The following CNTNAP2 variants were observed in gnomAD, a reference collection of about 807,000 sequenced individuals.
The protein encoded by CNTNAP2 is contactin associated protein 2.
In CNTNAP2, 98 loss-of-function variants were observed where a neutral mutation model predicts 155.2. That is an observed-to-expected ratio of 0.63 (90% CI 0.54 to 0.75). CNTNAP2 has a LOEUF of 0.75. Ranked by LOEUF, CNTNAP2 falls within the 30% of genes least tolerant of loss-of-function variation. CNTNAP2 has a pLI of 0.00. For synonymous variants in CNTNAP2, 651 were observed against 631.2 expected (o/e 1.03, Z -0.47); for missense variants, 1,727 against 1,688.1 (o/e 1.02, Z -0.40).
At chr7:146,243,580 A>T (rs1338535569) in intron 1 of CNTNAP2, among the ~76,000 whole-genome samples, 3 of 152,134 alleles carry the variant, frequency 2.0e-5, no homozygotes, top group Non-Finnish European at 2.9e-5. Flanking sequence ...TTAAATATTA[A>T]TTTTTTCTAT....
chr7:146,998,025 GTC>G (rs946199148), intron 3 of CNTNAP2, among the ~76,000 whole-genome samples: 3 of 151,722 alleles, frequency 2.0e-5, no homozygotes, highest in African/African-American at 7.3e-5. Flanking sequence ...GGCTTTTGTA[GTC>G]TGTATTTTAT....
At chr7:148,190,452 T>C (rs1795187481) in intron 18 of CNTNAP2, 1 of 152,220 alleles carries the variant, frequency 6.6e-6, no homozygotes, top group African/African-American at 2.4e-5. Context: ...ATAATAGTTT[T>C]TTGGTTTTCC....
intron 4 of CNTNAP2, among the ~76,000 whole-genome samples, chr7:147,107,790 A>G (rs1036941276): frequency 6.6e-6 from 1 of 152,162 alleles, no homozygotes; most frequent in Non-Finnish European, 1.5e-5. Context: ...GGAATCAAAC[A>G]TTTAAGTCTC....
chr7:147,106,631 T>C (rs1800771883), intron 4 of CNTNAP2, among the ~76,000 whole-genome samples: 1 of 152,168 alleles, frequency 6.6e-6, no homozygotes, highest in Admixed American at 6.6e-5. Flanking sequence ...TTTAAAAGCA[T>C]AAATATTTGA....
At chr7:148,019,942 G>A (rs553971369) in intron 15 of CNTNAP2, among the ~76,000 whole-genome samples, 8 of 152,130 alleles carry the variant, frequency 5.3e-5, no homozygotes, top group African/African-American at 1.4e-4. Context: ...CTGCCACCAC[G>A]CCCAGCTAAT....
chr7:147,035,400 T>C (rs1443046811), intron 3 of CNTNAP2, among the ~76,000 whole-genome samples: 1 of 152,212 alleles, frequency 6.6e-6, no homozygotes, highest in African/African-American at 2.4e-5. Flanking sequence ...CATTTTGACA[T>C]AAGTTGTTAG....
intron 4 of CNTNAP2, among the ~76,000 whole-genome samples, chr7:147,045,189 A>G (rs561036244): frequency 5.3e-5 from 8 of 152,062 alleles, no homozygotes; most frequent in African/African-American, 7.2e-5. Context: ...TGGTTTCTCT[A>G]TGTTATGCAA....
At chr7:148,334,920 G>T (rs1798092078) in intron 21 of CNTNAP2, among the ~76,000 whole-genome samples, 1 of 152,204 alleles carries the variant, frequency 6.6e-6, no homozygotes, top group African/African-American at 2.4e-5. Context: ...GGCAGTGTTT[G>T]CAGATCCTAC....
intron 22 of CNTNAP2, 53 bp downstream of exon 22, chr7:148,383,941 C>T (rs893025055): frequency 7.6e-6 from 12 of 1,573,616 alleles, no homozygotes; most frequent in Non-Finnish European, 1.0e-5. Flanking sequence ...AAACCTCAGT[C>T]TCTTGGGACT....
chr7:146,659,067 C>T (rs1172107108), intron 1 of CNTNAP2, among the ~76,000 whole-genome samples: 1 of 152,154 alleles, frequency 6.6e-6, no homozygotes, highest in Non-Finnish European at 1.5e-5. Context: ...TGCCAGAAAC[C>T]CAATCCCTTG....
At chr7:146,555,447 A>G (rs1323184266) in intron 1 of CNTNAP2, among the ~76,000 whole-genome samples, 2 of 151,892 alleles carry the variant, frequency 1.3e-5, no homozygotes, top group South Asian at 4.1e-4. Context: ...TATCTCATCT[A>G]TTTATCGATT....
At chr7:148,165,724 C>T (rs986662412) in intron 17 of CNTNAP2, among the ~76,000 whole-genome samples, 6 of 152,038 alleles carry the variant, frequency 3.9e-5, no homozygotes, top group African/African-American at 7.3e-5. Flanking sequence ...TTTGTGACCA[C>T]AGTTCATGCT....
At chr7:148,231,220 G>A (rs1795954528) in intron 20 of CNTNAP2, among the ~76,000 whole-genome samples, 1 of 152,174 alleles carries the variant, frequency 6.6e-6, no homozygotes, top group South Asian at 2.1e-4. Flanking sequence ...TTGAGGAAGG[G>A]GAGAGGAGTG....
chr7:148,075,518 G>T (rs1398342284), intron 15 of CNTNAP2, among the ~76,000 whole-genome samples: 1 of 152,138 alleles, frequency 6.6e-6, no homozygotes, highest in East Asian at 1.9e-4. Context: ...CTCTACTGAA[G>T]TAAAGCTACT....
At position 147,346,920 on chromosome 7, in the gene CNTNAP2, C is replaced by T. The variant is rs572288487; in HGVS notation, c.1498+46630C>T. ...CATGTTACTCTTAGTCCTGTTTTTA[C>T]TTGGTTGTAGTCACTGTTATTCTCC... On this transcript the variant is annotated intron_variant, in intron 9 of 23. Transcript: ENST00000361727. Among the ~76,000 whole-genome samples the T allele has an allele frequency of 4.2e-4, 64 of 152,096 alleles. 1 individual carries two copies. In the South Asian group the frequency reaches 9.1e-3, roughly 22 times the overall value.
intron 1 of CNTNAP2, among the ~76,000 whole-genome samples, chr7:146,450,509 T>G (rs1796463470): frequency 6.6e-6 from 1 of 152,214 alleles, no homozygotes; most frequent in East Asian, 1.9e-4. Flanking sequence ...GTGTGGCTTC[T>G]CTACTGCGTT....
intron 15 of CNTNAP2, among the ~76,000 whole-genome samples, chr7:148,103,740 G>T (rs939280747): frequency 6.6e-6 from 1 of 152,116 alleles, no homozygotes; most frequent in African/African-American, 2.4e-5. Context: ...ATTTCCGTTT[G>T]GATGCACTAT....
At chr7:147,901,297 T>G (rs1359006519) in intron 13 of CNTNAP2, among the ~76,000 whole-genome samples, 1 of 152,214 alleles carries the variant, frequency 6.6e-6, no homozygotes, top group Non-Finnish European at 1.5e-5. Context: ...AAACACAAAT[T>G]TAATCATGCT....
rs1374490584 is a variant in CNTNAP2 at position 147,802,776 on chromosome 7, AGGGAGAGGGAGGGGGAGG to A, written c.2099-100777_2099-100760del. Among the ~76,000 whole-genome samples, 3 of 55,190 alleles carry A rather than the reference AGGGAGAGGGAGGGGGAGG, an allele frequency of 5.4e-5. 1 individual carries two copies. Among genetic ancestry groups the A allele is most frequent in the African/African-American group, 1.8e-4 (2 of 10,836 alleles). The allele number at this position is 55,190 out of a possible 152,430, so 36.2% of individuals were successfully genotyped here. A position where few individuals can be genotyped will look rare whatever the true frequency, so the allele number is the denominator to read the frequency against. Reference sequence around the variant, plus strand: ...CAGAGGGAGACTGTGGAAAGGGGAGAGGGAGAGGGAGGGGGAGGGGGAGAGGGAGAGGGAGAGGGAGAG... The same window carrying A: ...CAGAGGGAGACTGTGGAAAGGGGAGAGGGAGAGGGAGAGGGAGAGGGAGAG... On this transcript the variant is annotated intron_variant, in intron 13 of 23. Transcript: ENST00000361727.
Sources: allele counts gnomAD v4.1 joint callset (sites outside exome capture counted in the v4.1 genomes callset), GRCh38; gene constraint gnomAD v4.1.1; transcripts MANE v1.5; gene names NCBI Gene and HGNC (gene_info 2026-07-23, HGNC 2026-07-21).